The following ZNF614 variants were observed in gnomAD, a reference collection of about 807,000 sequenced individuals.
ZNF614 encodes zinc finger protein 614.
ZNF614 carries 11 observed loss-of-function variants against 12.8 expected under a neutral mutation model. The observed-to-expected ratio is 0.86, with a 90% CI of 0.54 to 1.43. The LOEUF is 1.43. ZNF614 is among the 40% of genes most tolerant of loss of function. The pLI is 0.00. For synonymous variants in ZNF614, 237 were observed against 237.5 expected, an observed-to-expected ratio of 1.00 and a Z score of 0.02; for missense variants, 664 against 708.8, an observed-to-expected ratio of 0.94 and a Z score of 0.72.
Position 52,017,139 on chromosome 19 carries a change from ATT to A in ZNF614, c.457_458del (p.Asn153Ter). On this transcript the variant is annotated frameshift_variant, in exon 5 of 5. Coordinates refer to ENST00000270649, the MANE Select transcript of ZNF614 (RefSeq NM_025040.4). LOFTEE classifies it low-confidence loss of function (END_TRUNC). ...LINQKRRHGI[N>X]NPVEFIGGEK... is the part of the protein sequence containing the mutation. ...CACCTCCAATAAACTCAACAGGGTT[ATT>A]TATTCCATGTCTTCTCTTCTGGTTG... is the stretch of plus-strand genomic sequence containing the variant. The A allele has an allele frequency of 1.2e-6, 2 of 1,614,146 alleles. No individual in the cohort carries two copies. Among genetic ancestry groups the A allele is most frequent in the Non-Finnish European group, 1.7e-6 (2 of 1,180,012 alleles).
chr19:52,017,826 C>G (rs1268467083), intron 4 of ZNF614, 182 bp downstream of exon 4: 4 of 482,250 alleles, frequency 8.3e-6, no homozygotes, highest in Non-Finnish European at 1.1e-5. Context: ...TCCAAGAAAT[C>G]AGATCCAAGA....
chr19:52,027,917 A>T (rs1017615264), intron 1 of ZNF614, among the ~76,000 whole-genome samples: 10 of 152,080 alleles, frequency 6.6e-5, no homozygotes, highest in Admixed American at 6.6e-4. Flanking sequence ...TAAAATAAAC[A>T]TTTTTTTCAA....
chr19:52,021,214 A>G (rs374578655), intron 2 of ZNF614, among the ~76,000 whole-genome samples: 17 of 152,304 alleles, frequency 1.1e-4, no homozygotes, highest in East Asian at 9.7e-4. Flanking sequence ...CAACAACCAC[A>G]TAAGTGAGCT....
rs768796873 is a variant in ZNF614, at chr19:52,016,133, C to T, written c.1465G>A (p.Gly489Arg). ...GKTPFVCTEC[G>R]KSYSHKYGLI... ...CCATATTTGTGTGAATAGGATTTTC[C>T]GCACTCGGTACATACAAAGGGAGTC... The change falls in exon 5 of 5, where the codon GGA becomes AGA. Residue 489 changes from glycine to arginine, a missense_variant. Coordinates refer to ENST00000270649, the MANE Select transcript of ZNF614 (RefSeq NM_025040.4). The T allele has an allele frequency of 6.2e-6, 10 of 1,614,058 alleles. No individual in the cohort carries two copies. The highest frequency in any genetic ancestry group is 4.5e-5 in the East Asian group (2 of 44,878).
intron 2 of ZNF614, among the ~76,000 whole-genome samples, chr19:52,025,242 G>T (rs1568515827): frequency 6.6e-6 from 1 of 152,176 alleles, no homozygotes; most frequent in Non-Finnish European, 1.5e-5. Context: ...CTTCTTGAGT[G>T]GTGGGTGATT....
rs1024923421 is a variant in ZNF614 at position 52,028,226 on chromosome 19, C to G, written c.-217+16G>C. The G allele has an allele frequency of 6.6e-6, 1 of 152,548 alleles. No individual in the cohort carries two copies. Among genetic ancestry groups the G allele is most frequent in the Admixed American group, 6.5e-5 (1 of 15,290 alleles). 9.4% of individuals were successfully genotyped at this position (152,548 alleles called of 1,614,324 possible). On this transcript the variant is annotated intron_variant, in intron 1 of 4. Transcript: ENST00000270649. The stretch of plus-strand genomic sequence containing the variant: ...AGACCCACAGGCCGCGAGTCCATGC[C>G]CAGAACTCGACTCACCCGAGCCCGA...
intron 2 of ZNF614, among the ~76,000 whole-genome samples, chr19:52,020,293 A>C (rs1394302120): frequency 6.6e-6 from 1 of 152,234 alleles, no homozygotes; most frequent in Non-Finnish European, 1.5e-5. Context: ...CCTCAGGTTT[A>C]ATAACTTGAT....
At chr19:52,018,259 T>C in intron 3 of ZNF614, 109 bp downstream of exon 3, 1 of 1,567,010 alleles carries the variant, frequency 6.4e-7, no homozygotes, top group African/African-American at 1.4e-5. Context: ...GGACTGAAAA[T>C]GTAACTCTTC....
In ZNF614 at chr19:52,013,399, T is replaced by TA. The variant is rs1197857313; in HGVS notation, c.*2440dup. 1 of 240,096 alleles carries TA rather than the reference T, an allele frequency of 4.2e-6. No homozygotes were observed. The highest frequency in any genetic ancestry group is 8.4e-6 in the Non-Finnish European group (1 of 119,162). 14.9% of individuals were successfully genotyped at this position (240,096 alleles called of 1,614,324 possible). On this transcript the variant is annotated 3_prime_UTR_variant, in exon 5 of 5. Coordinates refer to ENST00000270649, the MANE Select transcript of ZNF614 (RefSeq NM_025040.4). ...CAAATATATCTCATAGGTGAATGGA[T>TA]AAACTACTACATCAAATATGTATAC...
At chr19:52,018,800 G>A (rs534988429) in intron 2 of ZNF614, among the ~76,000 whole-genome samples, 1 of 152,144 alleles carries the variant, frequency 6.6e-6, no homozygotes, top group Non-Finnish European at 1.5e-5. Context: ...TTAAATAAAT[G>A]TAAGAGAAAA....
chr19:52,017,641 C>T (rs1425962141), intron 4 of ZNF614: 7 of 368,790 alleles, frequency 1.9e-5, no homozygotes, highest in Non-Finnish European at 3.4e-5. Context: ...GACGAGGTTG[C>T]AGCAAGCCGA....
At chr19:52,023,173 AT>A (rs199732557) in intron 2 of ZNF614, among the ~76,000 whole-genome samples, 31 of 141,442 alleles carry the variant, frequency 2.2e-4, no homozygotes, top group Middle Eastern at 3.8e-3. Flanking sequence ...AATAAATAAA[AT>A]TTTTTTTTTT....
rs1198879274 is a variant in ZNF614, at chr19:52,016,281, C to T, written c.1317G>A (p.Lys439=). The T allele has an allele frequency of 6.2e-7, 1 of 1,614,030 alleles. No homozygotes were observed. The part of the protein sequence containing the change: ...CNECGKGFTT[K]RTLIIHQRTH... Reference sequence around the variant, plus strand: ...TTCGCTGATGTATAATAAGAGTGCGCTTTGTGGTGAAGCCTTTACCACATT... The same window carrying T: ...TTCGCTGATGTATAATAAGAGTGCGTTTTGTGGTGAAGCCTTTACCACATT... The change falls in exon 5 of 5, where the codon AAG becomes AAA. Residue 439 remains lysine (K), a synonymous_variant. Transcript: ENST00000270649.
In ZNF614 at chr19:52,016,397, A is replaced by G. The variant is rs111899103; in HGVS notation, c.1201T>C (p.Cys401Arg). ...RSHTGEKSYICSECGKGFTVK... is the reference protein window; with the variant it reads ...RSHTGEKSYIRSECGKGFTVK... ...GTGAAGCCTTTTCCACATTCGCTGC[A>G]TATGTAAGATTTTTCTCCTGTGTGG... Residue 401 changes from cysteine to arginine, a missense_variant, in exon 5 of 5, where the codon TGC becomes CGC. Cys to Arg is a radical substitution (Grantham distance 180, BLOSUM62 -3). Coordinates refer to ENST00000270649, the MANE Select transcript of ZNF614 (RefSeq NM_025040.4). The G allele has an allele frequency of 1.2e-6, 2 of 1,614,020 alleles. No individual in the cohort carries two copies. The highest frequency in any genetic ancestry group is 1.7e-6 in the Non-Finnish European group (2 of 1,180,012).
At position 52,016,258 on chromosome 19, in the gene ZNF614, C is replaced by T. The variant is rs1449244136; in HGVS notation, c.1340G>A (p.Arg447Gln). The change falls in exon 5 of 5, where the codon CGA becomes CAA. Residue 447 changes from arginine (R) to glutamine (Q), a missense_variant. Transcript: ENST00000270649. Reference sequence around the variant, plus strand: ...ATAGGGTTTTTCTCCTGTATGAGTTCGCTGATGTATAATAAGAGTGCGCTT... The same window carrying T: ...ATAGGGTTTTTCTCCTGTATGAGTTTGCTGATGTATAATAAGAGTGCGCTT... ...TTKRTLIIHQ[R>Q]THTGEKPYEC... is the part of the protein sequence containing the mutation. 10 of 1,614,174 alleles carry T rather than the reference C, an allele frequency of 6.2e-6. No homozygotes were observed. Among genetic ancestry groups the T allele is most frequent in the Admixed American group, 1.7e-5 (1 of 60,020 alleles).
chr19:52,019,743 G>T (rs1297503786), intron 2 of ZNF614, among the ~76,000 whole-genome samples: 2 of 152,210 alleles, frequency 1.3e-5, no homozygotes, highest in Non-Finnish European at 2.9e-5. Context: ...ATGACTTGCT[G>T]TCTTACAACC....
rs1284530555 is a variant in ZNF614, at chr19:52,018,007, C to A, written c.238+1G>T. 2.5e-6 allele frequency: 4 copies of A among 1,612,772 alleles called. No individual in the cohort carries two copies. Among genetic ancestry groups the A allele is most frequent in the Non-Finnish European group, 3.4e-6 (4 of 1,179,234 alleles). The stretch of plus-strand genomic sequence containing the variant: ...CACTGTCCTTGCTGGTTCTCACTTA[C>A]CTGGACAATTTTTATTCTGAATTTT... On this transcript the variant is annotated splice_donor_variant, in intron 4 of 4. Coordinates refer to ENST00000270649, the MANE Select transcript of ZNF614 (RefSeq NM_025040.4). LOFTEE classifies it high-confidence loss of function.
At position 52,014,628 on chromosome 19, in the gene ZNF614, C is replaced by G. The variant is rs913197329; in HGVS notation, c.*1212G>C. On this transcript the variant is annotated 3_prime_UTR_variant, in exon 5 of 5. Transcript: ENST00000270649. ...AAAAGGGTTCTCCTAATCTCAGGAGCCTCTACCCCTATGAAGTTGGGGGTG... is the reference window on the plus strand; with the variant it reads ...AAAAGGGTTCTCCTAATCTCAGGAGGCTCTACCCCTATGAAGTTGGGGGTG... The G allele has an allele frequency of 6.6e-6, 1 of 152,134 alleles. No individual in the cohort carries two copies. The highest frequency in any genetic ancestry group is 1.5e-5 in the Non-Finnish European group (1 of 68,032). 9.4% of individuals were successfully genotyped at this position (152,134 alleles called of 1,614,324 possible). A position where few individuals can be genotyped will look rare whatever the true frequency, so the allele number is the denominator to read the frequency against.
chr19:52,017,742 G>T (rs537752071), intron 4 of ZNF614: 6 of 379,956 alleles, frequency 1.6e-5, no homozygotes, highest in Non-Finnish European at 2.8e-5. Context: ...ATGATTTGCT[G>T]GGGGCTGGCT....
Sources: gnomAD v4.1 joint callset for allele counts (sites outside exome capture counted in the v4.1 genomes callset) on GRCh38, gnomAD v4.1.1 for gene constraint, MANE v1.5 for transcripts, NCBI Gene and HGNC (gene_info 2026-07-23, HGNC 2026-07-21) for gene names.